Variants in SH3RF1 observed in about 807,000 individuals in gnomAD.
The protein encoded by SH3RF1 is E3 ubiquitin-protein ligase SH3RF1.
In SH3RF1, 32 loss-of-function variants were observed where a neutral mutation model predicts 74.0. The observed-to-expected ratio is 0.43, with a 90% CI of 0.33 to 0.58. The LOEUF (loss-of-function observed/expected upper bound fraction) is 0.58, where lower values mean the gene tolerates loss of function less well. Ranked by LOEUF, SH3RF1 falls within the 20% of genes least tolerant of loss-of-function variation. SH3RF1 has a pLI of 0.05. For missense variants in SH3RF1, 954 were observed against 1,130.9 expected (o/e 0.84, Z 2.24); for synonymous variants, 396 against 439.6 (o/e 0.90, Z 1.24).
At position 169,126,709 on chromosome 4, in the gene SH3RF1, G is replaced by A. The variant is rs529857125; in HGVS notation, c.1179+3337C>T. 1.3e-3 allele frequency among the ~76,000 whole-genome samples: 191 copies of A among 151,712 alleles called. 1 individual carries two copies. The highest frequency in any genetic ancestry group is 1.9e-3 in the Non-Finnish European group (132 of 67,930). ...AGTGATCCTCCTGCCTCAGCCTCCC[G>A]AGTAGCTGGGACTACAGGCATGCAC... On this transcript the variant is annotated intron_variant, in intron 6 of 11. Transcript: ENST00000284637.
chr4:169,156,905 G>A (rs951790142), intron 2 of SH3RF1, among the ~76,000 whole-genome samples: 1 of 152,184 alleles, frequency 6.6e-6, no homozygotes, highest in Non-Finnish European at 1.5e-5. Context: ...CACCAGCCAT[G>A]ATTTAGGCTT....
chr4:169,195,999 A>G (rs1734804336), intron 2 of SH3RF1, among the ~76,000 whole-genome samples: 1 of 152,076 alleles, frequency 6.6e-6, no homozygotes, highest in South Asian at 2.1e-4. Flanking sequence ...TTTTTAGTAG[A>G]GACAGGTTTT....
At chr4:169,202,086 A>G (rs1389529745) in intron 2 of SH3RF1, among the ~76,000 whole-genome samples, 1 of 146,948 alleles carries the variant, frequency 6.8e-6, no homozygotes, top group African/African-American at 2.5e-5. Context: ...CTGTCAGCTT[A>G]AAAAAAAAAA....
intron 2 of SH3RF1, among the ~76,000 whole-genome samples, chr4:169,217,882 G>C (rs1350690358): frequency 6.6e-6 from 1 of 151,942 alleles, no homozygotes; most frequent in Non-Finnish European, 1.5e-5. Flanking sequence ...TTTAATGAGG[G>C]AAAAAATGTT....
At chr4:169,247,993 T>A (rs1344483883) in intron 2 of SH3RF1, among the ~76,000 whole-genome samples, 1 of 152,208 alleles carries the variant, frequency 6.6e-6, no homozygotes, top group African/African-American at 2.4e-5. Flanking sequence ...AAACCACAGA[T>A]GCTGGCGAGG....
chr4:169,132,205 C>G (rs1038301566), intron 5 of SH3RF1, among the ~76,000 whole-genome samples: 1 of 152,226 alleles, frequency 6.6e-6, no homozygotes, highest in South Asian at 2.1e-4. Flanking sequence ...CAGAAAAAAA[C>G]TTACCAAAAT....
At position 169,202,489 on chromosome 4, in the gene SH3RF1, ATG is replaced by A. The variant is rs372739666; in HGVS notation, c.394-45812_394-45811del. The stretch of plus-strand genomic sequence containing the variant: ...TTTACCATCTCATCTGAAGGAGGGG[ATG>A]TGGTTCCTTTTAAAGGACAATGTAT... On this transcript the variant is annotated intron_variant, in intron 2 of 11. Transcript: ENST00000284637. 4.6e-5 allele frequency among the ~76,000 whole-genome samples: 7 copies of A among 152,318 alleles called. No individual in the cohort carries two copies. In the East Asian group the frequency reaches 1.2e-3, roughly 25 times the overall value.
Position 169,107,223 on chromosome 4 carries a change from T to C in SH3RF1, c.2140-18A>G, listed in dbSNP as rs1733161049. The C allele has an allele frequency of 5.3e-6, 8 of 1,517,132 alleles. No individual in the cohort carries two copies. The highest frequency in any genetic ancestry group is 2.8e-5 in the African/African-American group (2 of 71,684). The allele number at this position is 1,517,132 out of a possible 1,614,324, so 94.0% of individuals were successfully genotyped here. A position where few individuals can be genotyped will look rare whatever the true frequency, so the allele number is the denominator to read the frequency against. ...TTTTCTTTCTGGAAAAAAAAAATAA[T>C]GAGCCTTAGTTGGAGAATGACAGTA... On this transcript the variant is annotated intron_variant, in intron 10 of 11. Transcript: ENST00000284637.
At chr4:169,201,787 T>C (rs1216657137) in intron 2 of SH3RF1, 1 of 152,232 alleles carries the variant, frequency 6.6e-6, no homozygotes, top group Non-Finnish European at 1.5e-5. Context: ...TTTTTTCCAA[T>C]GTAAGTCAAA....
At chr4:169,231,592 A>C (rs1221490680) in intron 2 of SH3RF1, among the ~76,000 whole-genome samples, 1 of 152,106 alleles carries the variant, frequency 6.6e-6, no homozygotes, top group Non-Finnish European at 1.5e-5. Flanking sequence ...TTTTTAATAA[A>C]TAAATAAAAA....
intron 1 of SH3RF1, among the ~76,000 whole-genome samples, chr4:169,270,547 T>G (rs1468963313): frequency 8.5e-5 from 13 of 152,184 alleles, no homozygotes; most frequent in Non-Finnish European, 4.4e-5. Flanking sequence ...GGGAAGCAGC[T>G]TTCTAGCCCA....
At chr4:169,195,756 A>T (rs1240072863) in intron 2 of SH3RF1, among the ~76,000 whole-genome samples, 1 of 152,150 alleles carries the variant, frequency 6.6e-6, no homozygotes, top group Non-Finnish European at 1.5e-5. Flanking sequence ...AATAATGTGC[A>T]GTTCTAGAAT....
chr4:169,196,697 T>G (rs918160859), intron 2 of SH3RF1, among the ~76,000 whole-genome samples: 1 of 152,180 alleles, frequency 6.6e-6, no homozygotes, highest in African/African-American at 2.4e-5. Context: ...CCAAGCAGAC[T>G]TTTTTATACT....
chr4:169,095,270 A>C lies in SH3RF1; in HGVS notation c.*1249T>G, dbSNP rs1732896239. On this transcript the variant is annotated 3_prime_UTR_variant, in exon 12 of 12. Transcript: ENST00000284637. The stretch of plus-strand genomic sequence containing the variant: ...TCACTAATGACTTGTGTAGTGGCTA[A>C]TGCATGCCTTAGCCAGAGAGGGAGC... 1 of 152,610 alleles carries C rather than the reference A, an allele frequency of 6.6e-6. No individual in the cohort carries two copies. The allele number at this position is 152,610 out of a possible 1,614,324, so 9.5% of individuals were successfully genotyped here.
intron 6 of SH3RF1, among the ~76,000 whole-genome samples, chr4:169,128,516 T>C (rs960777132): frequency 2.6e-5 from 4 of 152,228 alleles, no homozygotes; most frequent in African/African-American, 9.6e-5. Context: ...TGCTTAACTC[T>C]AAAATGTTTT....
intron 8 of SH3RF1, among the ~76,000 whole-genome samples, chr4:169,119,144 C>T (rs1389353271): frequency 6.6e-6 from 1 of 151,996 alleles, no homozygotes; most frequent in African/African-American, 2.4e-5. Flanking sequence ...TGCTCTGCCG[C>T]CCAGGCTGGA....
At chr4:169,126,363 C>A (rs893160697) in intron 6 of SH3RF1, among the ~76,000 whole-genome samples, 1 of 152,188 alleles carries the variant, frequency 6.6e-6, no homozygotes, top group African/African-American at 2.4e-5. Context: ...TCCTACTCTT[C>A]ACCCTGATTT....
intron 2 of SH3RF1, among the ~76,000 whole-genome samples, chr4:169,180,264 G>T (rs1220756271): frequency 6.7e-6 from 1 of 148,630 alleles, no homozygotes; most frequent in Non-Finnish European, 1.5e-5. Context: ...GAAAAGAAAA[G>T]AAGAGTTAAA....
intron 2 of SH3RF1, among the ~76,000 whole-genome samples, chr4:169,236,219 C>T (rs1451380612): frequency 6.6e-6 from 1 of 152,194 alleles, no homozygotes; most frequent in African/African-American, 2.4e-5. Flanking sequence ...GAATCATGGC[C>T]TAGTAACTCA....
Sources: allele counts gnomAD v4.1 joint callset (sites outside exome capture counted in the v4.1 genomes callset), GRCh38; gene constraint gnomAD v4.1.1; transcripts MANE v1.5; gene names NCBI Gene and HGNC (gene_info 2026-07-23, HGNC 2026-07-21).